Variants in FARP1 observed in about 807,000 individuals in gnomAD.
FARP1 encodes FERM, ARH/RhoGEF and pleckstrin domain protein 1.
Under a neutral mutation model 128.8 loss-of-function variants are expected in FARP1, and 52 were observed. The ratio of observed to expected loss-of-function variants is 0.40; its 90% CI spans 0.32 to 0.51. The LOEUF is 0.51. Among genes scored for constraint, FARP1 ranks in the 20% least tolerant of loss-of-function variants. The pLI is 0.45. For missense variants in FARP1, 1,333 were observed against 1,367.9 expected, an observed-to-expected ratio of 0.97 and a Z score of 0.40; for synonymous variants, 580 against 551.8, an observed-to-expected ratio of 1.05 and a Z score of -0.72.
intron 2 of FARP1, among the ~76,000 whole-genome samples, chr13:98,288,315 A>T (rs193077424): frequency 1.2e-4 from 18 of 152,230 alleles, no homozygotes; most frequent in African/African-American, 4.3e-4. Flanking sequence ...TCTAAGCTTC[A>T]TAGCACGTAC....
chr13:98,297,594 A>G (rs898423612), intron 2 of FARP1, among the ~76,000 whole-genome samples: 1 of 152,236 alleles, frequency 6.6e-6, no homozygotes, highest in Non-Finnish European at 1.5e-5. Flanking sequence ...AAATGAAATT[A>G]TAAGAAGATC....
intron 16 of FARP1, among the ~76,000 whole-genome samples, chr13:98,414,785 A>G (rs1430416867): frequency 1.1e-4 from 16 of 152,204 alleles, no homozygotes; most frequent in Admixed American, 5.2e-4. Flanking sequence ...AGAGCACTAC[A>G]CCACACTCGG....
rs532593341 is a variant in FARP1, at chr13:98,366,689, C to G, written c.319+1252C>G. Among the ~76,000 whole-genome samples, 19 of 152,328 alleles carry G rather than the reference C, an allele frequency of 1.2e-4. No homozygotes were observed. The East Asian group carries it at 3.5e-3, about 28-fold the overall frequency. The stretch of plus-strand genomic sequence containing the variant: ...TTGAGTGCTAGCATCTTCCTAGTTT[C>G]AAGTTTTCTAAGGATCTGAGTAGCC... On this transcript the variant is annotated intron_variant, in intron 4 of 26. Coordinates refer to ENST00000319562, the MANE Select transcript of FARP1 (RefSeq NM_005766.4).
chr13:98,287,206 GTCTTTTTTTTTTT>G (rs1885216117), intron 2 of FARP1, among the ~76,000 whole-genome samples: 1 of 87,754 alleles, frequency 1.1e-5, no homozygotes, highest in African/African-American at 4.7e-5. Context: ...CATCAGACAT[GTCTTTTTTTTTTT>G]TTTTTTTTTT....
intron 2 of FARP1, among the ~76,000 whole-genome samples, chr13:98,297,146 G>A (rs893329991): frequency 4.6e-5 from 7 of 152,294 alleles, no homozygotes; most frequent in East Asian, 1.9e-4. Flanking sequence ...GGGAGATGCC[G>A]GATTGTTCCC....
intron 2 of FARP1, among the ~76,000 whole-genome samples, chr13:98,270,072 T>G (rs1037330567): frequency 6.6e-6 from 1 of 152,254 alleles, no homozygotes; most frequent in Admixed American, 6.5e-5. Context: ...TGAATCTAAC[T>G]GAAAGGCTTT....
rs34861204 is a variant in FARP1, at chr13:98,200,387, A to ACCCCCCCCCC, written c.-23-12831_-23-12822dup. Among the ~76,000 whole-genome samples the ACCCCCCCCCC allele has an allele frequency of 2.4e-4, 31 of 127,536 alleles. 1 individual carries two copies. Among genetic ancestry groups the ACCCCCCCCCC allele is most frequent in the African/African-American group, 8.3e-4 (27 of 32,588 alleles). 83.7% of individuals were successfully genotyped at this position (127,536 alleles called of 152,430 possible). On this transcript the variant is annotated intron_variant, in intron 1 of 26. Transcript: ENST00000319562. ...CAGAATCACCTGGAATGCAACCTTC[A>ACCCCCCCCCC]CCCCCCCCCCCTCCCCTTTGTGATT...
chr13:98,219,696 TTC>T (rs1166409129), intron 2 of FARP1, among the ~76,000 whole-genome samples: 1 of 152,150 alleles, frequency 6.6e-6, no homozygotes, highest in Non-Finnish European at 1.5e-5. Context: ...AGACAGAGTC[TTC>T]TCTGTCACCC....
intron 2 of FARP1, among the ~76,000 whole-genome samples, chr13:98,294,333 TAAGGGTTCAACCATG>T (rs977012925): frequency 5.3e-5 from 8 of 152,162 alleles, no homozygotes; most frequent in African/African-American, 1.7e-4. Context: ...ATTGATAAGA[TAAGGGTTCAACCATG>T]AAGGGTTCAA....
chr13:98,229,605 G>T (rs1480991627), intron 2 of FARP1, among the ~76,000 whole-genome samples: 1 of 151,416 alleles, frequency 6.6e-6, no homozygotes, highest in Non-Finnish European at 1.5e-5. Flanking sequence ...GGCTCAAGCG[G>T]TCCTCCCACC....
intron 1 of FARP1, among the ~76,000 whole-genome samples, chr13:98,144,461 G>C (rs1440203414): frequency 6.6e-6 from 1 of 152,146 alleles, no homozygotes; most frequent in African/African-American, 2.4e-5. Flanking sequence ...CAGCCCTGGG[G>C]AGTACCGGTG....
At chr13:98,161,897 A>T (rs1180934101) in intron 1 of FARP1, among the ~76,000 whole-genome samples, 1 of 151,878 alleles carries the variant, frequency 6.6e-6, no homozygotes, top group East Asian at 1.9e-4. Flanking sequence ...CACCCACCTC[A>T]GCCTCTTAAG....
intron 2 of FARP1, among the ~76,000 whole-genome samples, chr13:98,248,661 C>T (rs981646855): frequency 3.3e-5 from 5 of 152,054 alleles, no homozygotes. Flanking sequence ...CATTTGTGGA[C>T]CTGCCCAGGA....
intron 1 of FARP1, among the ~76,000 whole-genome samples, chr13:98,148,803 G>A (rs1875760123): frequency 6.6e-6 from 1 of 152,008 alleles, no homozygotes; most frequent in African/African-American, 2.4e-5. Context: ...TTTGTAACTA[G>A]TCTGCCTTTT....
chr13:98,280,337 G>C (rs546272489), intron 2 of FARP1, among the ~76,000 whole-genome samples: 2 of 152,200 alleles, frequency 1.3e-5, no homozygotes, highest in East Asian at 1.9e-4. Flanking sequence ...GAAATGGCCC[G>C]AGCTGGTGCA....
chr13:98,243,696 CAAA>C (rs61020922), intron 2 of FARP1, among the ~76,000 whole-genome samples: 3 of 64,906 alleles, frequency 4.6e-5, no homozygotes, highest in Admixed American at 3.9e-4. Flanking sequence ...GACTCCATCT[CAAA>C]AAAAAAAAAA....
chr13:98,213,845 T>A (rs1297638267), intron 2 of FARP1, among the ~76,000 whole-genome samples: 1 of 151,994 alleles, frequency 6.6e-6, no homozygotes, highest in African/African-American at 2.4e-5. Flanking sequence ...CGAACTCAAG[T>A]CCCGGTTACT....
chr13:98,224,893 A>G (rs377645549), intron 2 of FARP1, among the ~76,000 whole-genome samples: 2 of 152,162 alleles, frequency 1.3e-5, no homozygotes, highest in South Asian at 2.1e-4. Context: ...CCATTCCTGC[A>G]TTCTCTGGCC....
rs1410371099 is a variant in FARP1, at chr13:98,450,941, C to G, written c.*2624C>G. The G allele has an allele frequency of 6.6e-6, 1 of 152,234 alleles. No homozygotes were observed. The highest frequency in any genetic ancestry group is 1.5e-5 in the Non-Finnish European group (1 of 68,064). The allele number at this position is 152,234 out of a possible 1,614,324, so 9.4% of individuals were successfully genotyped here. ...GCTTTCTAACTCCATCAAACCCCAC[C>G]TCCCCCGACAGGAAATGCTGCCAGT... is the stretch of plus-strand genomic sequence containing the variant. On this transcript the variant is annotated 3_prime_UTR_variant, in exon 27 of 27. Coordinates refer to ENST00000319562, the MANE Select transcript of FARP1 (RefSeq NM_005766.4).
Sources: allele counts gnomAD v4.1 joint callset (sites outside exome capture counted in the v4.1 genomes callset), GRCh38; gene constraint gnomAD v4.1.1; transcripts MANE v1.5; gene names NCBI Gene and HGNC (gene_info 2026-07-23, HGNC 2026-07-21).